Variants in EML1 observed in about 807,000 individuals in gnomAD.
EML1 encodes the protein echinoderm microtubule-associated protein-like 1.
Under a neutral mutation model 110.4 loss-of-function variants are expected in EML1, and 27 were observed. The observed-to-expected ratio is 0.24, with a 90% CI of 0.18 to 0.34. The LOEUF (loss-of-function observed/expected upper bound fraction) is 0.34, where lower values mean the gene tolerates loss of function less well. EML1 is among the 10% of genes least tolerant of loss of function. EML1 has a pLI of 1.00. For synonymous variants in EML1, 344 were observed against 385.8 expected, an observed-to-expected ratio of 0.89 and a Z score of 1.27; for missense variants, 741 against 1,030.9, an observed-to-expected ratio of 0.72 and a Z score of 3.85.
intron 17 of EML1, among the ~76,000 whole-genome samples, chr14:99,927,831 GTAT>G (rs1267798151): frequency 3.6e-5 from 2 of 55,996 alleles, no homozygotes; most frequent in African/African-American, 8.2e-5. Flanking sequence ...GGTGGTGGTG[GTAT>G]TGGTGGTGGT....
At chr14:99,822,757 C>T (rs2058285518) in intron 1 of EML1, among the ~76,000 whole-genome samples, 1 of 152,122 alleles carries the variant, frequency 6.6e-6, no homozygotes, top group Non-Finnish European at 1.5e-5. Flanking sequence ...TGAACTTAAA[C>T]TTGCCTGCAG....
At chr14:99,892,158 G>A (rs948297902) in intron 5 of EML1, 3 of 985,240 alleles carry the variant, frequency 3.0e-6, no homozygotes, top group South Asian at 4.7e-5. Context: ...CTCTGTCTCC[G>A]AAATCACAAG....
At position 99,914,715 on chromosome 14, in the gene EML1, A is replaced by G. The variant is rs776670384; in HGVS notation, c.1752+18A>G. The stretch of plus-strand genomic sequence containing the variant: ...TAATAGAGGTAAACATGCACATTAC[A>G]TTTCCATTTTTCTTACAGAAATTCA... On this transcript the variant is annotated intron_variant, in intron 15 of 21. Transcript: ENST00000262233. The G allele has an allele frequency of 2.3e-5, 36 of 1,591,482 alleles. No individual in the cohort carries two copies. The highest frequency in any genetic ancestry group is 3.0e-5 in the Non-Finnish European group (35 of 1,173,324).
intron 1 of EML1, among the ~76,000 whole-genome samples, chr14:99,843,142 T>C (rs2058658019): frequency 6.6e-6 from 1 of 152,136 alleles, no homozygotes; most frequent in South Asian, 2.1e-4. Context: ...TACTTCCAAC[T>C]ACTCGGGAGG....
intron 5 of EML1, among the ~76,000 whole-genome samples, chr14:99,891,813 T>C (rs1461408990): frequency 6.6e-6 from 1 of 152,244 alleles, no homozygotes; most frequent in Non-Finnish European, 1.5e-5. Context: ...AAGTATGTAA[T>C]TGATGAAATA....
At chr14:99,793,685 G>A (rs2057713205) in intron 1 of EML1, 142 bp downstream of exon 1, 2 of 542,410 alleles carry the variant, frequency 3.7e-6, no homozygotes, top group African/African-American at 2.1e-5. Context: ...GGGGCGCGCG[G>A]TCCCCGTTCC....
intron 1 of EML1, among the ~76,000 whole-genome samples, chr14:99,811,814 A>AAGAG (rs72348039): frequency 1.3e-5 from 2 of 150,054 alleles, no homozygotes; most frequent in East Asian, 2.0e-4. Flanking sequence ...ATGTCTCAAA[A>AAGAG]AGAGAGAGAG....
intron 4 of EML1, among the ~76,000 whole-genome samples, chr14:99,883,932 T>C (rs1450716905): frequency 3.3e-5 from 5 of 152,228 alleles, no homozygotes; most frequent in Non-Finnish European, 5.9e-5. Context: ...CGAATGAATC[T>C]TTTTGCCCTG....
At chr14:99,909,172 C>T in intron 10 of EML1, 173 bp from the exon 11 acceptor site, 1 of 1,010,364 alleles carries the variant, frequency 9.9e-7, no homozygotes, top group Non-Finnish European at 1.5e-6. Flanking sequence ...TTAAGGCCCA[C>T]ACCAGCATAT....
At chr14:99,793,289 G>A, upstream of EML1, 1 of 974,312 alleles carries the variant, frequency 1.0e-6, no homozygotes, top group Non-Finnish European at 1.2e-6. Flanking sequence ...GGGCGGAGCG[G>A]GCGCTGGGCT....
At chr14:99,891,106 C>G in intron 4 of EML1, 93 bp from the exon 5 acceptor site, 7 of 1,435,106 alleles carry the variant, frequency 4.9e-6, no homozygotes, top group Non-Finnish European at 6.8e-6. Context: ...ATTTGTGTGG[C>G]AGACTACTGC....
At chr14:99,739,319 T>G (rs2140157151) in intron 1 of EML1, among the ~76,000 whole-genome samples, 1 of 152,150 alleles carries the variant, frequency 6.6e-6, no homozygotes, top group East Asian at 1.9e-4. Flanking sequence ...TAACCCGGAA[T>G]AGCTCTCCCT....
At chr14:99,776,266 C>A (rs1488754322) in intron 1 of EML1, among the ~76,000 whole-genome samples, 1 of 151,994 alleles carries the variant, frequency 6.6e-6, no homozygotes, top group Non-Finnish European at 1.5e-5. Flanking sequence ...TTGGGGAGGC[C>A]AAATCAGGTG....
intron 4 of EML1, among the ~76,000 whole-genome samples, chr14:99,888,391 A>G (rs1420806397): frequency 6.6e-6 from 1 of 152,200 alleles, no homozygotes; most frequent in Non-Finnish European, 1.5e-5. Context: ...TTCTGTGTTC[A>G]TAGCTTTTGC....
At chr14:99,786,445 T>C (rs961694736) in intron 1 of EML1, among the ~76,000 whole-genome samples, 1 of 152,214 alleles carries the variant, frequency 6.6e-6, no homozygotes, top group Non-Finnish European at 1.5e-5. Context: ...TCAAGCATGA[T>C]GGGCATTAGG....
intron 1 of EML1, among the ~76,000 whole-genome samples, chr14:99,745,156 C>G (rs565294384): frequency 7.2e-5 from 11 of 152,250 alleles, no homozygotes; most frequent in African/African-American, 1.9e-4. Context: ...ACCTCTGCCT[C>G]CCGGGTTTAA....
At chr14:99,757,720 AC>A (rs974170341) in intron 1 of EML1, among the ~76,000 whole-genome samples, 3 of 152,212 alleles carry the variant, frequency 2.0e-5, no homozygotes, top group African/African-American at 7.2e-5. Context: ...GTTTGGGAAA[AC>A]TTTTAAGCTC....
At chr14:99,896,479 C>T (rs1329237849) in intron 6 of EML1, among the ~76,000 whole-genome samples, 4 of 152,052 alleles carry the variant, frequency 2.6e-5, no homozygotes, top group South Asian at 2.1e-4. Flanking sequence ...GTTTATTAAA[C>T]GGTTATATCA....
upstream of EML1, among the ~76,000 whole-genome samples, chr14:99,790,293 A>T (rs549167997): frequency 1.5e-4 from 23 of 152,294 alleles, no homozygotes; most frequent in Non-Finnish European, 3.1e-4. Context: ...AACATTAAAC[A>T]TAAGGAATGC....
Sources: allele counts gnomAD v4.1 joint callset (sites outside exome capture counted in the v4.1 genomes callset), GRCh38; gene constraint gnomAD v4.1.1; transcripts MANE v1.5; gene names NCBI Gene and HGNC (gene_info 2026-07-23, HGNC 2026-07-21).